Variants in NOX5 observed in about 807,000 individuals in gnomAD.
NOX5 encodes the protein NADPH oxidase 5.
Under a neutral mutation model 85.7 loss-of-function variants are expected in NOX5, and 76 were observed. The ratio of observed to expected loss-of-function variants is 0.89; its 90% CI spans 0.74 to 1.07. The LOEUF (loss-of-function observed/expected upper bound fraction) is 1.07, where lower values mean the gene tolerates loss of function less well. NOX5 is among the 50% of genes least tolerant of loss of function. The probability of loss-of-function intolerance (pLI) is 0.00; values close to 1 mark genes in which losing one functional copy is unlikely to be tolerated. For synonymous variants in NOX5, 405 were observed against 401.4 expected, an observed-to-expected ratio of 1.01 and a Z score of -0.11; for missense variants, 973 against 999.5, an observed-to-expected ratio of 0.97 and a Z score of 0.36.
Position 69,047,385 on chromosome 15 carries a change from C to T in NOX5, c.1693-28C>T, listed in dbSNP as rs573964412. 1.7e-4 allele frequency: 269 copies of T among 1,555,366 alleles called. 1 individual carries two copies. In the South Asian group the frequency reaches 3.1e-3, roughly 18 times the overall value. ...GGGAGACCAGCGTCACCCCCCATCT[C>T]TCTTCTCTGATGCCCTCTTGTGCAC... On this transcript the variant is annotated intron_variant, in intron 11 of 15. Coordinates refer to ENST00000388866, the MANE Select transcript of NOX5 (RefSeq NM_024505.4).
chr15:69,029,794 C>T (rs1468549290), intron 3 of NOX5: 1 of 152,116 alleles, frequency 6.6e-6, no homozygotes, highest in African/African-American at 2.4e-5. Context: ...ATTCTCCAGC[C>T]TCAGTCTCCC....
intron 10 of NOX5, among the ~76,000 whole-genome samples, chr15:69,043,047 G>A (rs1385907006): frequency 2.6e-5 from 4 of 152,118 alleles, no homozygotes; most frequent in African/African-American, 9.7e-5. Flanking sequence ...GAAAGAGAGT[G>A]GAAATTGAAA....
At chr15:69,054,669 G>A (rs1455672825) in intron 14 of NOX5, among the ~76,000 whole-genome samples, 2 of 152,084 alleles carry the variant, frequency 1.3e-5, no homozygotes, top group Non-Finnish European at 2.9e-5. Context: ...CTCACCCCTT[G>A]TCCCAGACCT....
intron 6 of NOX5, 43 bp downstream of exon 6, chr15:69,035,550 C>T (rs2050504089): frequency 6.2e-7 from 1 of 1,605,154 alleles, no homozygotes; most frequent in African/African-American, 1.3e-5. Flanking sequence ...GAAGCTTGAG[C>T]AGCCTCAAGC....
intron 14 of NOX5, among the ~76,000 whole-genome samples, chr15:69,051,462 C>G (rs1181540170): frequency 2.6e-5 from 4 of 152,036 alleles, no homozygotes; most frequent in Admixed American, 2.6e-4. Context: ...TCACTGCCAC[C>G]TCTGCCTCCC....
At position 69,035,378 on chromosome 15, in the gene NOX5, A is replaced by T. The variant is rs755997260; in HGVS notation, c.880A>T (p.Thr294Ser). 8.1e-6 allele frequency: 13 copies of T among 1,614,084 alleles called. No homozygotes were observed. The highest frequency in any genetic ancestry group is 1.1e-5 in the Non-Finnish European group (13 of 1,179,994). ...GGTGCTGATGCTCAGACGCTGCCTC[A>T]CCTGGCTGCGGGCCACGTGGCTGGC... ...IAVLMLRRCL[T>S]WLRATWLAQV... is the part of the protein sequence containing the mutation. The change falls in exon 6 of 16, where the codon ACC becomes TCC. Residue 294 changes from threonine to serine, a missense_variant. Thr to Ser is a moderately conservative substitution (Grantham distance 58). Coordinates refer to ENST00000388866, the MANE Select transcript of NOX5 (RefSeq NM_024505.4).
At position 69,049,058 on chromosome 15, in the gene NOX5, G is replaced by A. The variant is rs772649181; in HGVS notation, c.1999G>A (p.Gly667Ser). ...GGACCAGGCCGAGGAGGCTCAATAC[G>A]GTAAGAGAGGGACAGGGCCTGAGGG... ...EMDQAEEAQY[G>S]RFLELHMYMT... The change falls in exon 14 of 16, where the codon GGC becomes AGC. Residue 667 changes from glycine (G) to serine (S), a missense_variant and splice_region_variant. Gly to Ser is a moderately conservative substitution (Grantham distance 56, BLOSUM62 0). Transcript: ENST00000388866. The A allele has an allele frequency of 1.4e-5, 23 of 1,607,336 alleles. No homozygotes were observed. Among genetic ancestry groups the A allele is most frequent in the African/African-American group, 4.0e-5 (3 of 74,832 alleles).
chr15:69,015,083 C>G (rs1343648641), intron 1 of NOX5, among the ~76,000 whole-genome samples: 1 of 152,198 alleles, frequency 6.6e-6, no homozygotes, highest in Non-Finnish European at 1.5e-5. Flanking sequence ...TCATTTGGTC[C>G]TCATAGCCCT....
chr15:69,044,301 G>A lies in NOX5; in HGVS notation c.1647+1496G>A, dbSNP rs933092973. On this transcript the variant is annotated intron_variant, in intron 10 of 15. Transcript: ENST00000388866. ...TTTTCCAGGTTCTGTTCTAGATGCT[G>A]GAGATCTATCAGTAAGCAACATAGG... is the stretch of plus-strand genomic sequence containing the variant. Among the ~76,000 whole-genome samples the A allele has an allele frequency of 2.0e-5, 3 of 152,170 alleles. No homozygotes were observed. In the East Asian group the frequency reaches 5.8e-4, roughly 29 times the overall value.
At position 69,028,249 on chromosome 15, in the gene NOX5, A is replaced by G; in HGVS notation, c.209A>G (p.Asp70Gly). Residue 70 changes from aspartate to glycine, a missense_variant, in exon 3 of 16, where the codon GAC (aspartate) becomes GGC (glycine). Physicochemically the swap from Asp to Gly is moderately conservative, Grantham distance 94. Coordinates refer to ENST00000388866, the MANE Select transcript of NOX5 (RefSeq NM_024505.4). ...FFAERFFALF[D>G]SDRSGTITLQ... ...GCAGAGCGATTCTTTGCCCTATTTG[A>G]CTCCGATAGAAGTGGCACCATCACC... 3 of 1,611,354 alleles carry G rather than the reference A, an allele frequency of 1.9e-6. No individual in the cohort carries two copies. The highest frequency in any genetic ancestry group is 2.5e-6 in the Non-Finnish European group (3 of 1,178,806).
intron 13 of NOX5, 66 bp downstream of exon 13, chr15:69,047,977 C>T: frequency 7.1e-7 from 1 of 1,410,978 alleles, no homozygotes; most frequent in Non-Finnish European, 1.0e-6. Context: ...AAAATAGGAG[C>T]CCATCCTCCT....
chr15:69,038,934 C>T lies in NOX5; in HGVS notation c.1449C>T (p.Thr483=), dbSNP rs770405666. Residue 483 remains threonine, a synonymous_variant, in exon 9 of 16, where the codon ACC becomes ACT. Coordinates refer to ENST00000388866, the MANE Select transcript of NOX5 (RefSeq NM_024505.4). ...ACTACTTGTATCTGAACATCCCCAC[C>T]ATTGCTCGCTATGAGTGGCACCCCT... The part of the protein sequence containing the change: ...PGDYLYLNIP[T]IARYEWHPFT... 2.5e-6 allele frequency: 4 copies of T among 1,614,122 alleles called. No individual in the cohort carries two copies. The highest frequency in any genetic ancestry group is 1.7e-6 in the Non-Finnish European group (2 of 1,180,022).
intron 1 of NOX5, among the ~76,000 whole-genome samples, chr15:69,017,529 C>T (rs1022570922): frequency 5.3e-5 from 8 of 152,160 alleles, no homozygotes; most frequent in African/African-American, 9.7e-5. Context: ...AATCTACCTA[C>T]GACCCGGAAG....
intron 1 of NOX5, among the ~76,000 whole-genome samples, chr15:69,020,984 T>C (rs1042616175): frequency 2.0e-5 from 3 of 152,134 alleles, no homozygotes; most frequent in Non-Finnish European, 4.4e-5. Context: ...GGCGTCTTAA[T>C]AATGAACCAT....
chr15:69,051,094 C>T (rs2050743028), intron 14 of NOX5, among the ~76,000 whole-genome samples: 1 of 152,170 alleles, frequency 6.6e-6, no homozygotes, highest in Non-Finnish European at 1.5e-5. Flanking sequence ...CTCTCCTTCT[C>T]ACCTTCCCTC....
At position 69,047,523 on chromosome 15, in the gene NOX5, G is replaced by C. The variant is rs2050690616; in HGVS notation, c.1803G>C (p.Gln601His). The C allele has an allele frequency of 6.2e-7, 1 of 1,613,818 alleles. No homozygotes were observed. Residue 601 changes from glutamine to histidine, a missense_variant, in exon 12 of 16, where the codon CAG becomes CAC. Gln to His is a conservative substitution (Grantham distance 24). Transcript: ENST00000388866. ...IGITPFASIL[Q>H]SIMYRHQKRK... ...TCACCCCCTTTGCTTCCATTCTGCA[G>C]AGTATCATGTACAGGTGGGTGAACA... is the stretch of plus-strand genomic sequence containing the variant.
At chr15:69,032,385 T>A (rs1168156484) in intron 4 of NOX5, among the ~76,000 whole-genome samples, 1 of 151,988 alleles carries the variant, frequency 6.6e-6, no homozygotes, top group African/African-American at 2.4e-5. Context: ...GCCGGTTTTG[T>A]AGTTCATTCT....
intron 5 of NOX5, among the ~76,000 whole-genome samples, chr15:69,034,864 T>C (rs888023575): frequency 1.3e-5 from 2 of 152,136 alleles, no homozygotes; most frequent in African/African-American, 4.8e-5. Flanking sequence ...GCTCAAGCAG[T>C]CCTCCTGCCT....
At chr15:69,042,606 C>T (rs1005473527) in intron 9 of NOX5, 57 bp from the exon 10 acceptor site, 1 of 1,565,846 alleles carries the variant, frequency 6.4e-7, no homozygotes. Flanking sequence ...GTGAGGCTTG[C>T]TCCCTGGTGC....
Sources: allele counts gnomAD v4.1 joint callset (sites outside exome capture counted in the v4.1 genomes callset), GRCh38; gene constraint gnomAD v4.1.1; transcripts MANE v1.5; gene names NCBI Gene and HGNC (gene_info 2026-07-23, HGNC 2026-07-21).